EXOC6B: variants seen among roughly 807,000 people sequenced by gnomAD.
EXOC6B encodes SEC15 homolog B.
A neutral mutation model predicts 113.5 loss-of-function variants in EXOC6B; 54 were observed. The observed-to-expected ratio is 0.48, with a 90% CI of 0.38 to 0.60. The LOEUF (loss-of-function observed/expected upper bound fraction) is 0.60, where lower values mean the gene tolerates loss of function less well. EXOC6B is among the 20% of genes least tolerant of loss of function. The probability of loss-of-function intolerance (pLI) is 0.00; values close to 1 mark genes in which losing one functional copy is unlikely to be tolerated. For missense variants in EXOC6B, 797 were observed against 977.5 expected (o/e 0.82, Z 2.46); for synonymous variants, 357 against 339.0 (o/e 1.05, Z -0.58).
At chr2:72,705,348 T>C (rs1462527976) in intron 6 of EXOC6B, among the ~76,000 whole-genome samples, 1 of 152,126 alleles carries the variant, frequency 6.6e-6, no homozygotes, top group African/African-American at 2.4e-5. Context: ...GAGCTATCTA[T>C]GACAAACCCA....
intron 6 of EXOC6B, among the ~76,000 whole-genome samples, chr2:72,713,528 C>T (rs1272265253): frequency 6.6e-6 from 1 of 151,896 alleles, no homozygotes; most frequent in Non-Finnish European, 1.5e-5. Flanking sequence ...GTGTGCTGCA[C>T]CCATTAACTC....
At chr2:72,309,561 T>C (rs1300718929) in intron 20 of EXOC6B, among the ~76,000 whole-genome samples, 1 of 152,196 alleles carries the variant, frequency 6.6e-6, no homozygotes, top group Non-Finnish European at 1.5e-5. Flanking sequence ...TTTTATCTAT[T>C]CTAAGATTTC....
chr2:72,446,063 A>G (rs1180498565), intron 18 of EXOC6B, among the ~76,000 whole-genome samples: 2 of 152,210 alleles, frequency 1.3e-5, no homozygotes, highest in African/African-American at 2.4e-5. Context: ...AATTAGTTCA[A>G]CTATTGTGGA....
intron 19 of EXOC6B, among the ~76,000 whole-genome samples, chr2:72,378,378 TG>T (rs975449707): frequency 3.3e-5 from 5 of 152,234 alleles, no homozygotes; most frequent in African/African-American, 7.2e-5. Context: ...CACTGCTTTT[TG>T]TTTGGGCTCT....
intron 6 of EXOC6B, among the ~76,000 whole-genome samples, chr2:72,610,308 A>G (rs562774674): frequency 6.6e-6 from 1 of 152,326 alleles, no homozygotes; most frequent in East Asian, 1.9e-4. Context: ...GAGAACTATT[A>G]AAATAGCAAA....
intron 6 of EXOC6B, among the ~76,000 whole-genome samples, chr2:72,604,940 T>TG (rs376682971): frequency 1.2e-4 from 18 of 152,226 alleles, no homozygotes; most frequent in African/African-American, 3.6e-4. Context: ...GCATCTCCTA[T>TG]CACTTAGGAA....
At chr2:72,449,372 C>G (rs1696777159) in intron 18 of EXOC6B, among the ~76,000 whole-genome samples, 1 of 151,964 alleles carries the variant, frequency 6.6e-6, no homozygotes, top group Non-Finnish European at 1.5e-5. Flanking sequence ...AGAGTTTCAC[C>G]ATGCTAGCCA....
chr2:72,432,964 TTA>T (rs1375306501), intron 18 of EXOC6B, among the ~76,000 whole-genome samples: 1 of 152,240 alleles, frequency 6.6e-6, no homozygotes, highest in Non-Finnish European at 1.5e-5. Flanking sequence ...TTTTGGTGTT[TTA>T]GTCATAAAGT....
chr2:72,266,696 C>A (rs1417876129), intron 20 of EXOC6B, among the ~76,000 whole-genome samples: 1 of 152,080 alleles, frequency 6.6e-6, no homozygotes, highest in Non-Finnish European at 1.5e-5. Context: ...CGTGATGCCT[C>A]CAGCTTTGTT....
At chr2:72,386,928 A>G (rs1465063876) in intron 18 of EXOC6B, among the ~76,000 whole-genome samples, 3 of 152,148 alleles carry the variant, frequency 2.0e-5, no homozygotes, top group East Asian at 1.9e-4. Context: ...TTTGCTCAGC[A>G]TGTTTCTGAG....
At chr2:72,193,555 G>A (rs1006056086) in intron 20 of EXOC6B, among the ~76,000 whole-genome samples, 5 of 152,178 alleles carry the variant, frequency 3.3e-5, no homozygotes, top group South Asian at 2.1e-4. Flanking sequence ...ATGTTAAGAC[G>A]TTATCTCTAG....
chr2:72,268,307 T>C (rs143458358), intron 20 of EXOC6B, among the ~76,000 whole-genome samples: 2,837 of 152,176 alleles, frequency 0.019, 71 homozygotes, highest in African/African-American at 0.064. Context: ...GACAGGGTTT[T>C]GTTATATTGG....
At chr2:72,234,912 GAT>G (rs1681861941) in intron 20 of EXOC6B, among the ~76,000 whole-genome samples, 1 of 152,148 alleles carries the variant, frequency 6.6e-6, no homozygotes, top group Admixed American at 6.5e-5. Flanking sequence ...ATGTTGGCAA[GAT>G]TGTAGAGAAA....
intron 19 of EXOC6B, among the ~76,000 whole-genome samples, chr2:72,366,912 T>C (rs1373629523): frequency 6.6e-6 from 1 of 151,790 alleles, no homozygotes; most frequent in African/African-American, 2.4e-5. Context: ...CGCTATAGTG[T>C]ACATTGAAGG....
intron 1 of EXOC6B, among the ~76,000 whole-genome samples, chr2:72,745,620 A>G (rs1453589253): frequency 6.6e-6 from 1 of 152,140 alleles, no homozygotes; most frequent in Non-Finnish European, 1.5e-5. Context: ...TGCATTTTTA[A>G]GAAAAAAAGT....
At chr2:72,308,650 T>C (rs1275154294) in intron 20 of EXOC6B, among the ~76,000 whole-genome samples, 1 of 152,142 alleles carries the variant, frequency 6.6e-6, no homozygotes, top group African/African-American at 2.4e-5. Flanking sequence ...ACTTAAAGCT[T>C]TAAGTAAATA....
intron 11 of EXOC6B, among the ~76,000 whole-genome samples, chr2:72,510,908 A>G (rs1387096288): frequency 6.6e-6 from 1 of 152,088 alleles, no homozygotes; most frequent in African/African-American, 2.4e-5. Context: ...TTGTAAACAT[A>G]TAAATGTGTA....
At chr2:72,732,900 T>G (rs1427892730) in intron 3 of EXOC6B, among the ~76,000 whole-genome samples, 171 bp downstream of exon 3, 1 of 152,210 alleles carries the variant, frequency 6.6e-6, no homozygotes, top group African/African-American at 2.4e-5. Flanking sequence ...TCCTTAGACT[T>G]CCCAGTGACT....
intron 6 of EXOC6B, among the ~76,000 whole-genome samples, chr2:72,701,999 C>T (rs575994584): frequency 6.6e-6 from 1 of 151,108 alleles, no homozygotes; most frequent in Non-Finnish European, 1.5e-5. Context: ...TATACATGTG[C>T]CATGCTGGTG....
Sources: gnomAD v4.1 joint callset for allele counts (sites outside exome capture counted in the v4.1 genomes callset) on GRCh38, gnomAD v4.1.1 for gene constraint, MANE v1.5 for transcripts, NCBI Gene and HGNC (gene_info 2026-07-23, HGNC 2026-07-21) for gene names.